The following PREX1 variants were observed in gnomAD, a reference collection of about 807,000 sequenced individuals.
The protein encoded by PREX1 is phosphatidylinositol 3,4,5-trisphosphate-dependent Rac exchanger 1 protein.
In PREX1, 41 loss-of-function variants were observed where a neutral mutation model predicts 198.3. The ratio of observed to expected loss-of-function variants is 0.21; its 90% CI spans 0.16 to 0.27. The LOEUF (loss-of-function observed/expected upper bound fraction) is 0.27. Among genes scored for constraint, PREX1 ranks in the 10% least tolerant of loss-of-function variants. The pLI, the probability that PREX1 is intolerant of heterozygous loss-of-function variation, is 1.00. For synonymous variants in PREX1, 843 were observed against 887.2 expected (o/e 0.95, Z 0.89); for missense variants, 1,620 against 2,200.7 (o/e 0.74, Z 5.28).
intron 5 of PREX1, among the ~76,000 whole-genome samples, chr20:48,715,652 T>C (rs140680640): frequency 7.2e-5 from 11 of 152,342 alleles, no homozygotes; most frequent in African/African-American, 2.6e-4. Context: ...AAAGTCTTGG[T>C]ACCCAATAAG....
chr20:48,700,857 C>T lies in PREX1; in HGVS notation c.813G>A (p.Gln271=). 1 of 1,614,208 alleles carries T rather than the reference C, an allele frequency of 6.2e-7. No homozygotes were observed. Among genetic ancestry groups the T allele is most frequent in the African/African-American group, 1.3e-5 (1 of 75,046 alleles). ...TTAACAAAGTCCCTTGCAGGAGGAGCTGAGTGCAGATGTCTGTGAGGTTGG... is the reference window on the plus strand; with the variant it reads ...TTAACAAAGTCCCTTGCAGGAGGAGTTGAGTGCAGATGTCTGTGAGGTTGG... The part of the protein sequence containing the change: ...EGSNLTDICT[Q]LLLQGTLLKI... The change falls in exon 7 of 40, where the codon CAG becomes CAA. Residue 271 remains glutamine (Q), a synonymous_variant. Coordinates refer to ENST00000371941, the MANE Select transcript of PREX1 (RefSeq NM_020820.4).
rs1568656731 is a variant in PREX1, at chr20:48,827,420, G to A, written c.219+222C>T. On this transcript the variant is annotated intron_variant, in intron 1 of 39. Coordinates refer to ENST00000371941, the MANE Select transcript of PREX1 (RefSeq NM_020820.4). The surrounding 1 kb of genome is among the most constrained non-coding windows in gnomAD (Gnocchi z 4.1). ...GCAGCGCGCGCCGCGGGGAAGTGGA[G>A]TGCGGGAGAGCCCCGGTCGGAGCAG... is the stretch of plus-strand genomic sequence containing the variant. Among the ~76,000 whole-genome samples, 1 of 152,304 alleles carries A rather than the reference G, an allele frequency of 6.6e-6. No homozygotes were observed. The highest frequency in any genetic ancestry group is 2.4e-5 in the African/African-American group (1 of 41,580).
At chr20:48,640,009 G>A in intron 29 of PREX1, 115 bp from the exon 30 acceptor site, 2 of 1,393,840 alleles carry the variant, frequency 1.4e-6, no homozygotes, top group South Asian at 2.7e-5. Flanking sequence ...CCTAGATCAA[G>A]GGAGCTGGCA....
intron 1 of PREX1, among the ~76,000 whole-genome samples, chr20:48,781,506 T>C (rs1024927769): frequency 3.9e-5 from 6 of 152,130 alleles, no homozygotes; most frequent in Non-Finnish European, 7.4e-5. Flanking sequence ...GTGCAGCCCC[T>C]GGCCTACAGC....
chr20:48,665,746 C>A (rs1428780712), intron 15 of PREX1, among the ~76,000 whole-genome samples: 1 of 152,202 alleles, frequency 6.6e-6, no homozygotes, highest in Non-Finnish European at 1.5e-5. Context: ...GGAGCCACTT[C>A]GTCCTCCTTC....
chr20:48,776,251 C>T (rs565562004), intron 1 of PREX1, among the ~76,000 whole-genome samples: 3 of 152,254 alleles, frequency 2.0e-5, no homozygotes, highest in South Asian at 2.1e-4. Context: ...AGCTAGAGTC[C>T]GGGTCATCCT....
chr20:48,886,058 G>C, the PREX1 span, among the ~76,000 whole-genome samples: 1 of 152,174 alleles, frequency 6.6e-6, no homozygotes, highest in East Asian at 1.9e-4. Flanking sequence ...ATGGACTCCG[G>C]GGGATAATGA....
the PREX1 span, among the ~76,000 whole-genome samples, chr20:48,875,459 T>C: frequency 2.0e-5 from 3 of 152,052 alleles, no homozygotes; most frequent in Non-Finnish European, 4.4e-5. Context: ...AGGTGTGACA[T>C]GACCACAAGC....
chr20:48,721,123 G>A (rs1260045048), intron 5 of PREX1, among the ~76,000 whole-genome samples: 1 of 152,246 alleles, frequency 6.6e-6, no homozygotes, highest in African/African-American at 2.4e-5. Flanking sequence ...TTCAGAAACA[G>A]TTGGCAAGAA....
rs549742006 is a variant in PREX1 at position 48,653,291 on chromosome 20, G to C, written c.2346+70C>G. On this transcript the variant is annotated intron_variant, in intron 20 of 39. Transcript: ENST00000371941. The stretch of plus-strand genomic sequence containing the variant: ...ACATGCAGGCTTTTCTCTAAAGAGA[G>C]GACAGCCCTCAGCCACCCACCCCCA... The C allele has an allele frequency of 1.2e-4, 193 of 1,574,068 alleles. 3 individuals carry two copies. In the South Asian group the frequency reaches 2.2e-3, roughly 18 times the overall value.
chr20:48,677,473 A>G (rs1353658058), intron 13 of PREX1, among the ~76,000 whole-genome samples: 2 of 152,114 alleles, frequency 1.3e-5, no homozygotes, highest in South Asian at 2.1e-4. Flanking sequence ...AGAATAACCA[A>G]TCTCTGGCGT....
At chr20:48,687,962 C>T (rs1015990531) in intron 10 of PREX1, among the ~76,000 whole-genome samples, 8 of 152,142 alleles carry the variant, frequency 5.3e-5, no homozygotes, top group Admixed American at 6.5e-5. Flanking sequence ...CAGGAAGAGA[C>T]GCCTCACCAG....
At chr20:48,653,813 G>A (rs2089521177) in intron 19 of PREX1, among the ~76,000 whole-genome samples, 1 of 152,210 alleles carries the variant, frequency 6.6e-6, no homozygotes, top group African/African-American at 2.4e-5. Flanking sequence ...TTGTGCTACT[G>A]GGCCGCATTT....
chr20:48,711,551 G>A (rs1462669401), intron 5 of PREX1, among the ~76,000 whole-genome samples: 2 of 152,100 alleles, frequency 1.3e-5, no homozygotes, highest in East Asian at 3.9e-4. Context: ...GGGGTCAAAT[G>A]ACAGTCCAAG....
chr20:48,705,567 T>G (rs1225562252), intron 6 of PREX1, among the ~76,000 whole-genome samples: 1 of 152,166 alleles, frequency 6.6e-6, no homozygotes, highest in Non-Finnish European at 1.5e-5. Context: ...AATAAAGATG[T>G]GCAATCGCAT....
chr20:48,748,941 G>A (rs1228932083), intron 1 of PREX1, among the ~76,000 whole-genome samples: 1 of 152,198 alleles, frequency 6.6e-6, no homozygotes, highest in South Asian at 2.1e-4. Flanking sequence ...GATTTTAGGG[G>A]TTGTGAGTAA....
intron 29 of PREX1, among the ~76,000 whole-genome samples, chr20:48,640,630 C>T (rs2089401909): frequency 6.6e-6 from 1 of 152,170 alleles, no homozygotes; most frequent in South Asian, 2.1e-4. Context: ...CTACAATCTA[C>T]AATGAGCTCC....
chr20:48,676,625 G>A (rs2089711251), intron 13 of PREX1, among the ~76,000 whole-genome samples: 1 of 152,164 alleles, frequency 6.6e-6, no homozygotes, highest in South Asian at 2.1e-4. Flanking sequence ...GCTAGGGCAG[G>A]GGTGCTGCTG....
chr20:48,858,111 G>A, the PREX1 span, among the ~76,000 whole-genome samples: 1 of 152,232 alleles, frequency 6.6e-6, no homozygotes, highest in Non-Finnish European at 1.5e-5. Context: ...AAGGGCAGTG[G>A]CTGCCAGTCG....
Sources: gnomAD v4.1 joint callset for allele counts (sites outside exome capture counted in the v4.1 genomes callset) on GRCh38, gnomAD v4.1.1 for gene constraint, Gnocchi (gnomAD v3.1) non-coding constraint, MANE v1.5 for transcripts, NCBI Gene and HGNC (gene_info 2026-07-23, HGNC 2026-07-21) for gene names.